ZFHX3: variants seen among roughly 807,000 people sequenced by gnomAD.
ZFHX3 encodes the protein zinc finger homeobox protein 3.
Under a neutral mutation model 279.1 loss-of-function variants are expected in ZFHX3, and 42 were observed. The ratio of observed to expected loss-of-function variants is 0.15; its 90% confidence interval spans 0.12 to 0.19. The LOEUF is 0.19. ZFHX3 is among the 10% of genes least tolerant of loss of function. The probability of loss-of-function intolerance (pLI) is 1.00; values close to 1 mark genes in which losing one functional copy is unlikely to be tolerated. For missense variants in ZFHX3, 4,981 were observed against 4,754.0 expected, an observed-to-expected ratio of 1.05 and a Z score of -1.40; for synonymous variants, 2,293 against 1,957.8, an observed-to-expected ratio of 1.17 and a Z score of -4.52.
rs138643120 is a variant in ZFHX3, at chr16:72,787,677, C to G, written c.10599G>C (p.Ala3533=). Residue 3533 remains alanine (A), a synonymous_variant, in exon 10 of 10, where the codon GCG becomes GCC. Coordinates refer to ENST00000268489, the MANE Select transcript of ZFHX3 (RefSeq NM_006885.4). ...CCTCCCCACAGAGCGCGCTCTCGCA[C>G]GCCAGGCAGTGGTACGAGCCGCCGC... is the stretch of plus-strand genomic sequence containing the variant. ...GGGGGSYHCL[A]CESALCGEEA... 2.5e-5 allele frequency: 39 copies of G among 1,543,234 alleles called. No individual in the cohort carries two copies. The highest frequency in any genetic ancestry group is 9.3e-5 in the Admixed American group (5 of 53,604).
Position 73,292,485 on chromosome 16 carries a change from G to GT in ZFHX3, c.-1194+25754dup, listed in dbSNP as rs576992539. 6.6e-5 allele frequency among the ~76,000 whole-genome samples: 10 copies of GT among 152,292 alleles called. No homozygotes were observed. In the East Asian group the frequency reaches 1.7e-3, roughly 26 times the overall value. On this transcript the variant is annotated intron_variant, in intron 4 of 17. Coordinates refer to the ZFHX3 transcript ENST00000641206. ...TATAGAAATGCCAGGTTTTATTTTA[G>GT]TAGAACACTTCTAGGAGGCTAAAAT...
At chr16:73,779,567 A>G (rs541936456) in intron 1 of ZFHX3, among the ~76,000 whole-genome samples, 3 of 152,182 alleles carry the variant, frequency 2.0e-5, no homozygotes, top group Admixed American at 2.0e-4. Context: ...TTTAAGACCC[A>G]CAAAGATAGA....
At chr16:73,735,365 A>AGT (rs1417867769) in intron 1 of ZFHX3, among the ~76,000 whole-genome samples, 4 of 150,486 alleles carry the variant, frequency 2.7e-5, no homozygotes, top group African/African-American at 9.8e-5. Flanking sequence ...CAATAAAGCA[A>AGT]GTTCCATGTG....
chr16:73,876,486 G>C (rs1320001204), intron 1 of ZFHX3, among the ~76,000 whole-genome samples: 1 of 152,082 alleles, frequency 6.6e-6, no homozygotes, highest in African/African-American at 2.4e-5. Flanking sequence ...TCCACATATG[G>C]GGTATATGTG....
At chr16:72,906,112 T>C (rs1440558049) in intron 3 of ZFHX3, among the ~76,000 whole-genome samples, 1 of 151,678 alleles carries the variant, frequency 6.6e-6, no homozygotes, top group East Asian at 2.0e-4. Flanking sequence ...CCCGATAAGA[T>C]CCCTCCCGGG....
At chr16:73,818,618 T>C (rs1441864337) in intron 1 of ZFHX3, among the ~76,000 whole-genome samples, 1 of 152,144 alleles carries the variant, frequency 6.6e-6, no homozygotes, top group Non-Finnish European at 1.5e-5. Context: ...CAACCACAGG[T>C]TCTAAAGGAT....
In ZFHX3 at chr16:73,153,300, A is replaced by G. The variant is rs148507077; in HGVS notation, c.-1103-9469T>C. ...TAATTTAAGTTTATTTTATGTTTTT[A>G]GAGACAAGGTGTCTCCCTACGTTGC... On this transcript the variant is annotated intron_variant, in intron 5 of 17. Transcript: ENST00000641206. Among the ~76,000 whole-genome samples the G allele has an allele frequency of 1.2e-3, 185 of 152,314 alleles. 1 individual carries two copies. Among genetic ancestry groups the G allele is most frequent in the African/African-American group, 4.3e-3 (179 of 41,574 alleles).
intron 1 of ZFHX3, among the ~76,000 whole-genome samples, chr16:73,727,129 A>T (rs1056354719): frequency 6.6e-6 from 1 of 152,200 alleles, no homozygotes; most frequent in African/African-American, 2.4e-5. Flanking sequence ...GAGGAAAAGA[A>T]GACCCTATCC....
chr16:73,563,385 T>C (rs825696), intron 2 of ZFHX3, among the ~76,000 whole-genome samples: 54,867 of 151,536 alleles, frequency 0.36, 11,093 homozygotes, highest in Non-Finnish European at 0.47. Context: ...GCCTCCAAAG[T>C]AGCTGGGACT....
chr16:73,214,334 G>T (rs998524169), intron 5 of ZFHX3, among the ~76,000 whole-genome samples: 1 of 152,174 alleles, frequency 6.6e-6, no homozygotes, highest in African/African-American at 2.4e-5. Context: ...AGAGCCAAGT[G>T]TGAGCTATGG....
intron 3 of ZFHX3, among the ~76,000 whole-genome samples, chr16:73,395,301 T>G (rs573159724): frequency 7.9e-5 from 12 of 152,196 alleles, no homozygotes; most frequent in African/African-American, 2.9e-4. Flanking sequence ...CTGTCTCTAC[T>G]AAAAATACAA....
intron 8 of ZFHX3, 68 bp downstream of exon 8, chr16:72,799,959 T>C (rs946795943): frequency 1.1e-5 from 16 of 1,443,156 alleles, no homozygotes; most frequent in East Asian, 2.3e-5. Context: ...CCTGAAAACC[T>C]TTCTCCATGA....
chr16:73,396,200 T>C (rs1392704550), intron 3 of ZFHX3, among the ~76,000 whole-genome samples: 1 of 152,302 alleles, frequency 6.6e-6, no homozygotes, highest in East Asian at 1.9e-4. Context: ...CTTTCTAGTT[T>C]GTATGATGGG....
chr16:72,898,596 T>C (rs977719139), intron 3 of ZFHX3, among the ~76,000 whole-genome samples: 6 of 152,102 alleles, frequency 3.9e-5, no homozygotes, highest in Admixed American at 1.3e-4. Flanking sequence ...TGGATCCTTG[T>C]GGAATGTCGA....
At position 73,682,878 on chromosome 16, in the gene ZFHX3, G is replaced by GA. The variant is rs199828416; in HGVS notation, c.-1607-2639dup. ...AGAAAGAAAGAAAGAAAGAAAGAAA[G>GA]AAAGAAAGAAAGAAAGAAAGAAAGA... On this transcript the variant is annotated intron_variant, in intron 1 of 17. Coordinates refer to the ZFHX3 transcript ENST00000641206. Among the ~76,000 whole-genome samples, 265 of 29,400 alleles carry GA rather than the reference G, an allele frequency of 9.0e-3. 10 individuals are homozygous for GA. The highest frequency in any genetic ancestry group is 0.025 in the African/African-American group (255 of 10,352). 19.3% of individuals were successfully genotyped at this position (29,400 alleles called of 152,430 possible). A position where few individuals can be genotyped will look rare whatever the true frequency, so the allele number is the denominator to read the frequency against.
chr16:73,487,684 C>T (rs898115322), intron 2 of ZFHX3: 11 of 209,738 alleles, frequency 5.2e-5, no homozygotes, highest in Admixed American at 3.9e-4. Context: ...GAATTACAGG[C>T]GTGAGCCACT....
In ZFHX3 at chr16:72,902,155, A is replaced by T. The variant is rs1485563058; in HGVS notation, c.3217-12193T>A. 2.0e-5 allele frequency among the ~76,000 whole-genome samples: 3 copies of T among 152,218 alleles called. No homozygotes were observed. In the South Asian group the frequency reaches 6.2e-4, roughly 32 times the overall value. On this transcript the variant is annotated intron_variant, in intron 3 of 9. Transcript: ENST00000268489. ...TCAATAGAGGCAATCGTTTTCAACC[A>T]TGTTAATTGTAAATACAATTGCTCC...
At chr16:72,966,466 G>C (rs868802565) in intron 1 of ZFHX3, among the ~76,000 whole-genome samples, 1 of 152,196 alleles carries the variant, frequency 6.6e-6, no homozygotes, top group Non-Finnish European at 1.5e-5. Flanking sequence ...GAGGAAGCCC[G>C]AAGTTGGCAT....
chr16:72,854,335 C>T (rs2037695647), intron 4 of ZFHX3, among the ~76,000 whole-genome samples: 1 of 152,188 alleles, frequency 6.6e-6, no homozygotes. Flanking sequence ...CACTTCTATA[C>T]CGAAAGAAAT....
Sources: gnomAD v4.1 joint callset for allele counts (sites outside exome capture counted in the v4.1 genomes callset) on GRCh38, gnomAD v4.1.1 for gene constraint, MANE v1.5 for transcripts, NCBI Gene and HGNC (gene_info 2026-07-23, HGNC 2026-07-21) for gene names.